The following CACNA1D variants were observed in gnomAD, a reference collection of about 807,000 sequenced individuals.
CACNA1D encodes voltage-dependent L-type calcium channel subunit alpha-1D.
CACNA1D carries 55 observed loss-of-function variants against 257.1 expected under a neutral mutation model. That is an observed-to-expected ratio of 0.21 (90% CI 0.17 to 0.27). The LOEUF is 0.27. CACNA1D is among the 10% of genes least tolerant of loss of function. The pLI is 1.00. For synonymous variants in CACNA1D, 980 were observed against 1,014.9 expected (o/e 0.97, Z 0.65); for missense variants, 1,876 against 2,784.0 (o/e 0.67, Z 7.34).
chr3:53,801,114 T>C lies in CACNA1D; in HGVS notation c.5097T>C (p.Asp1699=). 1.2e-6 allele frequency: 2 copies of C among 1,613,534 alleles called. No individual in the cohort carries two copies. Among genetic ancestry groups the C allele is most frequent in the Non-Finnish European group, 1.7e-6 (2 of 1,179,638 alleles). ...ATCATGTTAATAGTGATAGGAGAGA[T>C]TCCCTTCAGCAGACCAATACCACCC... ...HVNHVNSDRR[D]SLQQTNTTHR... is the part of the protein sequence containing the mutation. The change falls in exon 42 of 48, where the codon GAT becomes GAC. Residue 1699 remains aspartate (D), a synonymous_variant. Transcript: ENST00000350061.
At chr3:53,561,820 C>G (rs2092745650) in intron 3 of CACNA1D, among the ~76,000 whole-genome samples, 1 of 152,150 alleles carries the variant, frequency 6.6e-6, no homozygotes, top group Non-Finnish European at 1.5e-5. Flanking sequence ...AATGGTAAAG[C>G]ATTTCTTAAA....
chr3:53,682,569 G>A (rs977982387), intron 8 of CACNA1D, among the ~76,000 whole-genome samples: 1 of 147,874 alleles, frequency 6.8e-6, no homozygotes, highest in South Asian at 2.2e-4. Context: ...AAAAAAAAAA[G>A]AAGAAGAAGA....
At chr3:53,704,849 C>G (rs534274908) in intron 9 of CACNA1D, among the ~76,000 whole-genome samples, 1 of 152,232 alleles carries the variant, frequency 6.6e-6, no homozygotes, top group Non-Finnish European at 1.5e-5. Context: ...GGCCAGTGGC[C>G]TTTCCTCTGT....
Position 53,582,480 on chromosome 3 carries a change from G to A in CACNA1D, c.484-68299G>A, listed in dbSNP as rs138017263. 2.1e-3 allele frequency among the ~76,000 whole-genome samples: 314 copies of A among 152,228 alleles called. 3 individuals carry two copies. Among genetic ancestry groups the A allele is most frequent in the African/African-American group, 7.0e-3 (292 of 41,526 alleles). ...GGGGGTATAGGGAGCTGGGCAGGCA[G>A]GGATTTGAAAAGAGGGGCATTAGAG... On this transcript the variant is annotated intron_variant, in intron 3 of 47. Coordinates refer to ENST00000350061, the MANE Select transcript of CACNA1D (RefSeq NM_001128840.3).
chr3:53,617,028 G>T (rs1156449302), intron 3 of CACNA1D, among the ~76,000 whole-genome samples: 1 of 152,020 alleles, frequency 6.6e-6, no homozygotes, highest in Non-Finnish European at 1.5e-5. Flanking sequence ...TCCAGATGCT[G>T]CCTCCCTCCC....
intron 3 of CACNA1D, among the ~76,000 whole-genome samples, chr3:53,509,794 C>T (rs2091030930): frequency 6.6e-6 from 1 of 152,234 alleles, no homozygotes; most frequent in African/African-American, 2.4e-5. Context: ...CCATGCTCAT[C>T]TTCTGAGGGC....
chr3:53,805,265 C>G (rs2095556532), intron 45 of CACNA1D, 119 bp downstream of exon 45: 8 of 902,604 alleles, frequency 8.9e-6, no homozygotes, highest in Non-Finnish European at 1.3e-5. Flanking sequence ...CCTTAGTCCT[C>G]AAGACCAGCC....
In CACNA1D at chr3:53,507,943, C is replaced by G. The variant is rs1034185764; in HGVS notation, c.483+6223C>G. Reference sequence around the variant, plus strand: ...TATAAACTCAGTTAACCAAAGAGTCCACTGGGTAGAAATGGCATCAGACAC... The same window carrying G: ...TATAAACTCAGTTAACCAAAGAGTCGACTGGGTAGAAATGGCATCAGACAC... On this transcript the variant is annotated intron_variant, in intron 3 of 47. Coordinates refer to ENST00000350061, the MANE Select transcript of CACNA1D (RefSeq NM_001128840.3). Among the ~76,000 whole-genome samples, 3 of 151,080 alleles carry G rather than the reference C, an allele frequency of 2.0e-5. No homozygotes were observed. In the East Asian group the frequency reaches 5.9e-4, roughly 30 times the overall value.
rs35938386 is a variant in CACNA1D, at chr3:53,505,115, GT to G, written c.483+3416del. 2.1e-3 allele frequency among the ~76,000 whole-genome samples: 209 copies of G among 97,620 alleles called. 1 individual carries two copies. The highest frequency in any genetic ancestry group is 4.3e-3 in the African/African-American group (104 of 24,188). The allele number at this position is 97,620 out of a possible 152,430, so 64.0% of individuals were successfully genotyped here. A position where few individuals can be genotyped will look rare whatever the true frequency, so the allele number is the denominator to read the frequency against. On this transcript the variant is annotated intron_variant, in intron 3 of 47. Coordinates refer to ENST00000350061, the MANE Select transcript of CACNA1D (RefSeq NM_001128840.3). ...CCAGGTGCTTTTTATTTGTTTATTT[GT>G]TTTTTTTTTTTTTTTTTTTTGAGGC... is the stretch of plus-strand genomic sequence containing the variant.
intron 37 of CACNA1D, among the ~76,000 whole-genome samples, chr3:53,777,655 C>G (rs1053882862): frequency 6.6e-6 from 1 of 152,302 alleles, no homozygotes; most frequent in African/African-American, 2.4e-5. Flanking sequence ...TCCACACGTC[C>G]CCTCTGCTAC....
chr3:53,591,023 A>G (rs1050391602), intron 3 of CACNA1D, among the ~76,000 whole-genome samples: 1 of 152,144 alleles, frequency 6.6e-6, no homozygotes, highest in African/African-American at 2.4e-5. Flanking sequence ...TGAGCCTGTG[A>G]TTCCAAACCC....
chr3:53,734,014 GTGTA>G (rs2095030834), intron 19 of CACNA1D, among the ~76,000 whole-genome samples: 1 of 36,060 alleles, frequency 2.8e-5, no homozygotes, highest in Admixed American at 4.2e-4. Context: ...ATATATGTGT[GTGTA>G]TATATATATA....
At position 53,642,685 on chromosome 3, in the gene CACNA1D, G is replaced by A. The variant is rs530193355; in HGVS notation, c.484-8094G>A. ...CCGCATGTCCTTGAAGCTGGGCTCCGTAGAGTGGTCCACCAGGTCACCCTG... is the reference window on the plus strand; with the variant it reads ...CCGCATGTCCTTGAAGCTGGGCTCCATAGAGTGGTCCACCAGGTCACCCTG... On this transcript the variant is annotated intron_variant, in intron 3 of 47. Coordinates refer to ENST00000350061, the MANE Select transcript of CACNA1D (RefSeq NM_001128840.3). Among the ~76,000 whole-genome samples, 18 of 152,358 alleles carry A rather than the reference G, an allele frequency of 1.2e-4. 1 individual carries two copies. The East Asian group carries it at 2.9e-3, about 24-fold the overall frequency.
chr3:53,629,265 T>C (rs3821854), intron 3 of CACNA1D, among the ~76,000 whole-genome samples: 57,099 of 152,128 alleles, frequency 0.38, 11,349 homozygotes, highest in East Asian at 0.64. Flanking sequence ...TAGCCCAAGA[T>C]GGTAGCTTTG....
intron 8 of CACNA1D, among the ~76,000 whole-genome samples, chr3:53,696,710 G>A (rs1484157556): frequency 6.6e-6 from 1 of 152,132 alleles, no homozygotes; most frequent in Non-Finnish European, 1.5e-5. Context: ...CTGCCCAGGT[G>A]GATGGAATTC....
intron 33 of CACNA1D, 145 bp downstream of exon 33, chr3:53,773,043 C>T: frequency 1.3e-6 from 1 of 753,902 alleles, no homozygotes; most frequent in African/African-American, 1.7e-5. Flanking sequence ...ATGAGAAAGA[C>T]AAAGCTGCTT....
intron 7 of CACNA1D, among the ~76,000 whole-genome samples, chr3:53,668,571 G>A (rs1329456627): frequency 6.6e-6 from 1 of 152,164 alleles, no homozygotes; most frequent in African/African-American, 2.4e-5. Context: ...TTTATAGAAG[G>A]TCTGGGATCT....
chr3:53,547,976 G>A (rs2107562740), intron 3 of CACNA1D, among the ~76,000 whole-genome samples: 1 of 152,280 alleles, frequency 6.6e-6, no homozygotes, highest in Non-Finnish European at 1.5e-5. Flanking sequence ...GACAGCTCCA[G>A]AAGAGTGGCA....
At chr3:53,801,758 G>C (rs2070618) in intron 42 of CACNA1D, among the ~76,000 whole-genome samples, 13,125 of 152,242 alleles carry the variant, frequency 0.086, 1,064 homozygotes, top group East Asian at 0.42. Flanking sequence ...TAAAGGGTCA[G>C]TGAGTCAATA....
Sources: allele counts gnomAD v4.1 joint callset (sites outside exome capture counted in the v4.1 genomes callset), GRCh38; gene constraint gnomAD v4.1.1; transcripts MANE v1.5; gene names NCBI Gene and HGNC (gene_info 2026-07-23, HGNC 2026-07-21).